The following COL28A1 variants were observed in gnomAD, a reference collection of about 807,000 sequenced individuals.
COL28A1 encodes the protein collagen type XXVIII alpha 1 chain, also known as collagen alpha-1(XXVIII) chain.
In COL28A1, 161 loss-of-function variants were observed where a neutral mutation model predicts 150.2. The observed-to-expected ratio is 1.07, with a 90% CI of 0.94 to 1.22. The LOEUF is 1.22. Among genes scored for constraint, COL28A1 ranks in the 50% most tolerant of loss-of-function variants. COL28A1 has a pLI of 0.00. For synonymous variants in COL28A1, 552 were observed against 469.7 expected (o/e 1.18, Z -2.26); for missense variants, 1,617 against 1,388.3 (o/e 1.16, Z -2.62).
At chr7:7,375,017 T>A (rs1781467461) in intron 31 of COL28A1, among the ~76,000 whole-genome samples, 1 of 152,216 alleles carries the variant, frequency 6.6e-6, no homozygotes, top group African/African-American at 2.4e-5. Context: ...CCTTTGGGAC[T>A]GAGTACAACT....
chr7:7,376,823 A>G (rs764387367), intron 30 of COL28A1, among the ~76,000 whole-genome samples: 38 of 152,190 alleles, frequency 2.5e-4, no homozygotes, highest in Non-Finnish European at 4.9e-4. Context: ...GATTACTGAA[A>G]TTGAATGTGC....
At chr7:7,451,987 G>T (rs1222326134) in intron 18 of COL28A1, among the ~76,000 whole-genome samples, 1 of 152,132 alleles carries the variant, frequency 6.6e-6, no homozygotes, top group Non-Finnish European at 1.5e-5. Flanking sequence ...ACTGTGAAGG[G>T]TAAACTAAGT....
downstream of COL28A1, among the ~76,000 whole-genome samples, chr7:7,354,084 T>C (rs1330816429): frequency 6.6e-6 from 1 of 152,002 alleles, no homozygotes; most frequent in Non-Finnish European, 1.5e-5. Flanking sequence ...CCTTGACCTC[T>C]TGGACTCAAG....
At chr7:7,438,812 C>G (rs1022429850) in intron 21 of COL28A1, among the ~76,000 whole-genome samples, 10 of 152,174 alleles carry the variant, frequency 6.6e-5, no homozygotes, top group Non-Finnish European at 1.2e-4. Context: ...GGTAGGTGGG[C>G]CAAATCCAGC....
chr7:7,400,493 G>C (rs1411589511), intron 27 of COL28A1, among the ~76,000 whole-genome samples: 1 of 152,180 alleles, frequency 6.6e-6, no homozygotes, highest in Non-Finnish European at 1.5e-5. Context: ...CCCTAGCAGA[G>C]TCTGCATGGC....
chr7:7,542,986 T>A, the COL28A1 span, among the ~76,000 whole-genome samples: 1 of 152,194 alleles, frequency 6.6e-6, no homozygotes, highest in African/African-American at 2.4e-5. Flanking sequence ...AAGTATTTAA[T>A]AACTGTCTCT....
chr7:7,341,632 T>G, the COL28A1 span, among the ~76,000 whole-genome samples: 1 of 152,126 alleles, frequency 6.6e-6, no homozygotes, highest in Non-Finnish European at 1.5e-5. Flanking sequence ...TAAACTATCC[T>G]TTTAAGCACT....
Position 7,373,220 on chromosome 7 carries a change from T to C in COL28A1, c.2686A>G (p.Lys896Glu). Reference sequence around the variant, plus strand: ...TCAGTGATGACCAAGGCCACTTTTTTTACACCTGGCCTTGCATCTTCAAAC... The same window carrying C: ...TCAGTGATGACCAAGGCCACTTTTTCTACACCTGGCCTTGCATCTTCAAAC... ...DMFEDARPGVKKVALVITDGQ... is the reference protein window; with the variant it reads ...DMFEDARPGVEKVALVITDGQ... The change falls in exon 32 of 35, where the codon AAA (lysine) becomes GAA (glutamate). Residue 896 changes from lysine (K) to glutamate (E), a missense_variant. By Grantham distance (56) the Lys-to-Glu change is moderately conservative. Transcript: ENST00000399429. This position sits in a 1 kb window ranked among gnomAD's most constrained non-coding sequence, Gnocchi z 4.1. The C allele has an allele frequency of 1.2e-6, 2 of 1,614,204 alleles. No homozygotes were observed. The highest frequency in any genetic ancestry group is 2.2e-5 in the South Asian group (2 of 91,086).
At chr7:7,345,063 G>T in the COL28A1 span, among the ~76,000 whole-genome samples, 1 of 151,820 alleles carries the variant, frequency 6.6e-6, no homozygotes, top group Non-Finnish European at 1.5e-5. Context: ...TGGCGGGGGT[G>T]GGGGGCGTTC....
In COL28A1 at chr7:7,373,015, T is replaced by C; in HGVS notation, c.2891A>G (p.Asp964Gly). ...TDPEHVYQFDDFFTLQDTLKQ... is the reference protein window; with the variant it reads ...TDPEHVYQFDGFFTLQDTLKQ... Reference sequence around the variant, plus strand: ...TTCCTTACCTTGCAGGGTAAAGAAATCATCAAACTGGTAAACATGCTCTGG... The same window carrying C: ...TTCCTTACCTTGCAGGGTAAAGAAACCATCAAACTGGTAAACATGCTCTGG... The change falls in exon 32 of 35, where the codon GAT becomes GGT. Residue 964 changes from aspartate (D) to glycine (G), a missense_variant. Asp to Gly is a moderately conservative substitution (Grantham distance 94). Transcript: ENST00000399429. This position sits in a 1 kb window ranked among gnomAD's most constrained non-coding sequence, Gnocchi z 4.1. 1 of 1,613,760 alleles carries C rather than the reference T, an allele frequency of 6.2e-7. No individual in the cohort carries two copies. Among genetic ancestry groups the C allele is most frequent in the Non-Finnish European group, 8.5e-7 (1 of 1,179,806 alleles).
At chr7:7,432,300 T>C (rs1785027978) in intron 25 of COL28A1, among the ~76,000 whole-genome samples, 173 bp downstream of exon 25, 1 of 152,134 alleles carries the variant, frequency 6.6e-6, no homozygotes, top group South Asian at 2.1e-4. Flanking sequence ...ATAAAGTTAG[T>C]CTACATGTTC....
At chr7:7,418,441 C>T (rs752935614) in intron 26 of COL28A1, among the ~76,000 whole-genome samples, 28 of 152,310 alleles carry the variant, frequency 1.8e-4, no homozygotes, top group Non-Finnish European at 3.7e-4. Flanking sequence ...AGTATCTGTT[C>T]ATAAACTGAG....
chr7:7,533,702 C>T (rs1003550543), intron 1 of COL28A1, among the ~76,000 whole-genome samples: 1 of 152,136 alleles, frequency 6.6e-6, no homozygotes, highest in Admixed American at 6.6e-5. Context: ...AACGAAAAAT[C>T]TAATTCTGTA....
intron 30 of COL28A1, among the ~76,000 whole-genome samples, chr7:7,376,780 A>G (rs1287106153): frequency 6.6e-6 from 1 of 152,154 alleles, no homozygotes; most frequent in Admixed American, 6.5e-5. Context: ...ATTATAATTC[A>G]TTTTCCACAT....
intron 33 of COL28A1, among the ~76,000 whole-genome samples, chr7:7,368,405 G>A (rs1307727189): frequency 7.7e-6 from 1 of 129,452 alleles, no homozygotes; most frequent in East Asian, 2.0e-4. Context: ...TTTGTTTTTT[G>A]CTAGGAATAC....
At chr7:7,523,362 G>C (rs1047885779) in intron 4 of COL28A1, among the ~76,000 whole-genome samples, 1 of 151,760 alleles carries the variant, frequency 6.6e-6, no homozygotes. Flanking sequence ...GTTTCAGCAT[G>C]TTGGCCAGGA....
intron 7 of COL28A1, among the ~76,000 whole-genome samples, chr7:7,516,384 G>A (rs542643081): frequency 7.2e-5 from 11 of 152,244 alleles, no homozygotes; most frequent in Admixed American, 3.9e-4. Flanking sequence ...GCCCTAATGC[G>A]ACAGTGACCT....
the COL28A1 span, among the ~76,000 whole-genome samples, chr7:7,343,423 C>T: frequency 9.9e-5 from 15 of 152,006 alleles, 1 homozygote; most frequent in East Asian, 1.4e-3. Context: ...TTCCTTGCTG[C>T]GTGCTAGACA....
downstream of COL28A1, among the ~76,000 whole-genome samples, chr7:7,351,401 C>T (rs1780227812): frequency 6.6e-6 from 1 of 152,286 alleles, no homozygotes; most frequent in Non-Finnish European, 1.5e-5. Context: ...CAACAGAAGG[C>T]AGTGTTGTCT....
Sources: gnomAD v4.1 joint callset for allele counts (sites outside exome capture counted in the v4.1 genomes callset) on GRCh38, gnomAD v4.1.1 for gene constraint, Gnocchi (gnomAD v3.1) non-coding constraint, MANE v1.5 for transcripts, NCBI Gene and HGNC (gene_info 2026-07-23, HGNC 2026-07-21) for gene names.